MED12L: variants seen among roughly 807,000 people sequenced by gnomAD.
The protein encoded by MED12L is mediator of RNA polymerase II transcription subunit 12-like protein.
MED12L carries 60 observed loss-of-function variants against 281.3 expected under a neutral mutation model. The observed-to-expected ratio is 0.21, with a 90% confidence interval of 0.17 to 0.26. The LOEUF (loss-of-function observed/expected upper bound fraction) is 0.26. MED12L is among the 10% of genes least tolerant of loss of function. The probability of loss-of-function intolerance (pLI) is 1.00; values close to 1 mark genes in which losing one functional copy is unlikely to be tolerated. For synonymous variants in MED12L, 974 were observed against 987.2 expected (o/e 0.99, Z 0.25); for missense variants, 2,146 against 2,680.9 (o/e 0.80, Z 4.41).
intron 4 of MED12L, among the ~76,000 whole-genome samples, chr3:151,125,573 C>G (rs142794049): frequency 1.5e-3 from 221 of 152,256 alleles, no homozygotes; most frequent in African/African-American, 5.1e-3. Flanking sequence ...ATGTTTTAGG[C>G]CTTGACCTGT....
intron 16 of MED12L, among the ~76,000 whole-genome samples, chr3:151,239,204 T>G (rs534128144): frequency 1.3e-4 from 20 of 152,242 alleles, no homozygotes; most frequent in Non-Finnish European, 1.2e-4. Context: ...TATGATGTTA[T>G]AAAATTGGGC....
intron 16 of MED12L, chr3:151,328,955 T>C: frequency 6.2e-7 from 1 of 1,613,686 alleles, no homozygotes; most frequent in Non-Finnish European, 8.5e-7. Flanking sequence ...GGGGCACCGC[T>C]CAGATCTGTT....
At chr3:151,160,942 G>A (rs9823077) in intron 8 of MED12L, among the ~76,000 whole-genome samples, 31,768 of 152,170 alleles carry the variant, frequency 0.21, 3,495 homozygotes, top group East Asian at 0.29. Flanking sequence ...TTTCCTGGCA[G>A]GGGAAACACT....
chr3:151,205,067 T>C (rs1003133347), intron 16 of MED12L, among the ~76,000 whole-genome samples: 3 of 152,218 alleles, frequency 2.0e-5, no homozygotes, highest in African/African-American at 7.2e-5. Flanking sequence ...TGGCTTTGTG[T>C]GGAAGTTTAT....
chr3:151,196,060 C>CTCAG (rs1162147688), intron 16 of MED12L, among the ~76,000 whole-genome samples: 1 of 152,194 alleles, frequency 6.6e-6, no homozygotes, highest in African/African-American at 2.4e-5. Flanking sequence ...GACACTAAGC[C>CTCAG]TCAGCTTCTT....
chr3:151,118,983 G>A (rs965967386), intron 3 of MED12L, among the ~76,000 whole-genome samples: 12 of 152,092 alleles, frequency 7.9e-5, no homozygotes, highest in Admixed American at 7.9e-4. Context: ...CACTGTGCCC[G>A]GCCTCAGAGC....
intron 16 of MED12L, among the ~76,000 whole-genome samples, chr3:151,210,993 A>G (rs1179304324): frequency 2.0e-5 from 3 of 152,214 alleles, no homozygotes; most frequent in Admixed American, 6.5e-5. Context: ...GGACCTGGCA[A>G]GTGTTCCCTG....
At chr3:151,422,429 G>A (rs763474842) in intron 43 of MED12L, among the ~76,000 whole-genome samples, 6 of 152,138 alleles carry the variant, frequency 3.9e-5, no homozygotes, top group African/African-American at 7.2e-5. Context: ...CTGGTGGCTC[G>A]CTGGGACTCT....
At chr3:151,177,917 C>G (rs924500192) in intron 11 of MED12L, among the ~76,000 whole-genome samples, 2 of 151,888 alleles carry the variant, frequency 1.3e-5, no homozygotes, top group African/African-American at 4.8e-5. Context: ...GTTATTTTTT[C>G]TTTGACCTTA....
At chr3:151,154,723 T>G (rs1719039219) in intron 5 of MED12L, among the ~76,000 whole-genome samples, 1 of 152,248 alleles carries the variant, frequency 6.6e-6, no homozygotes, top group Non-Finnish European at 1.5e-5. Context: ...TAAGCTAAAC[T>G]TGTCTCATCT....
chr3:151,265,409 T>C (rs1221514851), intron 16 of MED12L, among the ~76,000 whole-genome samples: 1 of 152,236 alleles, frequency 6.6e-6, no homozygotes, highest in East Asian at 1.9e-4. Context: ...GACTGATTTC[T>C]CTTTTTTGAG....
chr3:151,215,566 G>C (rs930829845), intron 16 of MED12L, among the ~76,000 whole-genome samples: 1 of 152,134 alleles, frequency 6.6e-6, no homozygotes, highest in African/African-American at 2.4e-5. Context: ...GTGTTATCCA[G>C]AACTTCTATT....
intron 16 of MED12L, among the ~76,000 whole-genome samples, chr3:151,317,432 A>C (rs899692682): frequency 1.1e-4 from 10 of 89,258 alleles, no homozygotes; most frequent in Non-Finnish European, 2.3e-4. Context: ...ATATAATCAT[A>C]TCACTTTTTT....
At chr3:151,360,437 A>G in intron 20 of MED12L, 37 bp from the exon 21 acceptor site, 3 of 1,595,328 alleles carry the variant, frequency 1.9e-6, no homozygotes, top group Non-Finnish European at 2.6e-6. Context: ...CATAGTACAA[A>G]TCTATGTCTT....
At chr3:151,410,146 A>G (rs142031704) in intron 40 of MED12L, among the ~76,000 whole-genome samples, 3 of 152,324 alleles carry the variant, frequency 2.0e-5, no homozygotes, top group Admixed American at 6.5e-5. Context: ...GATGAAGTGT[A>G]TGAGGACAAC....
chr3:151,426,949 CTGAACTA>C (rs1327585884), intron 43 of MED12L, among the ~76,000 whole-genome samples: 2 of 151,916 alleles, frequency 1.3e-5, no homozygotes, highest in Admixed American at 1.3e-4. Context: ...TCCTAAATAG[CTGAACTA>C]CAGGCATGCA....
intron 11 of MED12L, among the ~76,000 whole-genome samples, chr3:151,183,616 T>C (rs1722947823): frequency 6.6e-6 from 1 of 152,238 alleles, no homozygotes; most frequent in Non-Finnish European, 1.5e-5. Flanking sequence ...TCTTTTGTTG[T>C]AGTTTATTCA....
At chr3:151,398,146 A>G (rs998843444) in intron 39 of MED12L, among the ~76,000 whole-genome samples, 1 of 152,208 alleles carries the variant, frequency 6.6e-6, no homozygotes, top group African/African-American at 2.4e-5. Flanking sequence ...GTTTCTTAGT[A>G]GCCTTAATCC....
At chr3:151,213,309 A>G (rs767260949) in intron 16 of MED12L, 88 of 1,605,478 alleles carry the variant, frequency 5.5e-5, no homozygotes, top group Non-Finnish European at 7.0e-5. Context: ...CTCACAAAGT[A>G]TCTGTGCTTT....
Sources: allele counts gnomAD v4.1 joint callset (sites outside exome capture counted in the v4.1 genomes callset), GRCh38; gene constraint gnomAD v4.1.1; transcripts MANE v1.5; gene names NCBI Gene and HGNC (gene_info 2026-07-23, HGNC 2026-07-21).